The following NKAIN3 variants were observed in gnomAD, a reference collection of about 807,000 sequenced individuals.
NKAIN3 encodes the protein sodium/potassium transporting ATPase interacting 3, also known as sodium/potassium-transporting ATPase subunit beta-1-interacting protein 3.
NKAIN3 carries 25 observed loss-of-function variants against 30.2 expected under a neutral mutation model. The observed-to-expected ratio is 0.83, with a 90% CI of 0.60 to 1.16. The LOEUF (loss-of-function observed/expected upper bound fraction) is 1.16, where lower values mean the gene tolerates loss of function less well. NKAIN3 is among the 50% of genes most tolerant of loss of function. The pLI is 0.00. For missense variants in NKAIN3, 225 were observed against 254.1 expected, an observed-to-expected ratio of 0.89 and a Z score of 0.78; for synonymous variants, 91 against 89.6, an observed-to-expected ratio of 1.02 and a Z score of -0.09.
chr8:62,482,810 G>A (rs532538915), intron 1 of NKAIN3: 3 of 152,264 alleles, frequency 2.0e-5, no homozygotes, highest in African/African-American at 7.2e-5. Context: ...GATATTACTG[G>A]GGTAATATTA....
At chr8:62,953,723 T>A (rs1378385974) in intron 5 of NKAIN3, among the ~76,000 whole-genome samples, 179 bp from the exon 6 acceptor site, 2 of 152,228 alleles carry the variant, frequency 1.3e-5, no homozygotes, top group African/African-American at 2.4e-5. Context: ...CTGTATTTTT[T>A]AAATTTCCTC....
intron 3 of NKAIN3, among the ~76,000 whole-genome samples, chr8:62,626,254 A>G (rs1453962643): frequency 2.6e-5 from 4 of 152,100 alleles, no homozygotes; most frequent in African/African-American, 9.7e-5. Flanking sequence ...TGATTTTCAC[A>G]GAGAAAAGCC....
intron 4 of NKAIN3, among the ~76,000 whole-genome samples, chr8:62,869,351 G>T (rs2130798059): frequency 6.6e-6 from 1 of 152,240 alleles, no homozygotes; most frequent in South Asian, 2.1e-4. Context: ...ACATGCGCAG[G>T]TGTGTGATGT....
intron 4 of NKAIN3, among the ~76,000 whole-genome samples, chr8:62,835,751 A>G (rs73258703): frequency 1.4e-3 from 215 of 152,242 alleles, no homozygotes; most frequent in African/African-American, 4.9e-3. Flanking sequence ...GGGAATATAA[A>G]TTAGATTACC....
In NKAIN3 at chr8:62,918,460, G is replaced by C. The variant is rs1203629550; in HGVS notation, c.479G>C (p.Gly160Ala). The change falls in exon 5 of 7, where the codon GGT (glycine) becomes GCT (alanine). Residue 160 changes from glycine (G) to alanine (A), a missense_variant. Coordinates refer to ENST00000623646, the MANE Select transcript of NKAIN3 (RefSeq NM_001304533.3). The stretch of plus-strand genomic sequence containing the variant: ...ATTTTTTCCCTTTTGCAGTTGGTGG[G>C]TTTTGTGTATGCCTGTTATGTGATC... ...SAVQILLSLV[G>A]FVYACYVISI... 1.2e-6 allele frequency: 2 copies of C among 1,612,686 alleles called. No individual in the cohort carries two copies. The highest frequency in any genetic ancestry group is 2.7e-5 in the African/African-American group (2 of 75,004).
chr8:62,259,903 T>C (rs1361358411), intron 1 of NKAIN3, among the ~76,000 whole-genome samples: 2 of 152,002 alleles, frequency 1.3e-5, no homozygotes, highest in South Asian at 2.1e-4. Flanking sequence ...GCGGCAGGAG[T>C]TGGAGTACTG....
chr8:62,488,075 T>C (rs1042071578), intron 1 of NKAIN3, among the ~76,000 whole-genome samples: 2 of 152,230 alleles, frequency 1.3e-5, no homozygotes, highest in Admixed American at 6.5e-5. Context: ...GAATTAGACA[T>C]TGCATCTTTA....
At chr8:62,632,913 C>A (rs1216585178) in intron 3 of NKAIN3, among the ~76,000 whole-genome samples, 1 of 152,088 alleles carries the variant, frequency 6.6e-6, no homozygotes, top group Non-Finnish European at 1.5e-5. Flanking sequence ...ATATTGTTTT[C>A]TGCCTAGGGG....
intron 4 of NKAIN3, among the ~76,000 whole-genome samples, chr8:62,836,669 G>C (rs971945374): frequency 1.3e-5 from 2 of 152,096 alleles, no homozygotes; most frequent in African/African-American, 4.8e-5. Context: ...AAAGTTGCCA[G>C]CATGAGTCAG....
chr8:62,450,139 T>C (rs188155187), intron 1 of NKAIN3, among the ~76,000 whole-genome samples: 39 of 152,248 alleles, frequency 2.6e-4, no homozygotes, highest in African/African-American at 9.4e-4. Context: ...TTATCAAAAT[T>C]ATGTGAGAAT....
intron 1 of NKAIN3, among the ~76,000 whole-genome samples, chr8:62,329,550 A>T (rs1585686721): frequency 6.6e-6 from 1 of 152,050 alleles, no homozygotes; most frequent in African/African-American, 2.4e-5. Context: ...AATCATGTGT[A>T]TTCAATGTTT....
intron 4 of NKAIN3, among the ~76,000 whole-genome samples, chr8:62,840,439 C>T (rs1030581414): frequency 7.5e-6 from 1 of 132,642 alleles, no homozygotes; most frequent in African/African-American, 2.8e-5. Flanking sequence ...AAAAAAAAAA[C>T]AATCAGAGAG....
intron 4 of NKAIN3, among the ~76,000 whole-genome samples, chr8:62,841,033 C>T (rs1427071196): frequency 3.9e-5 from 6 of 152,092 alleles, no homozygotes; most frequent in Non-Finnish European, 8.8e-5. Flanking sequence ...CATAATGGAC[C>T]TCCAAAGATG....
rs1296196685 is a variant in NKAIN3 at position 62,307,457 on chromosome 8, C to CT, written c.54+58336dup. Among the ~76,000 whole-genome samples, 136 of 149,796 alleles carry CT rather than the reference C, an allele frequency of 9.1e-4. 15 individuals are homozygous for CT. The highest frequency in any genetic ancestry group is 3.1e-3 in the African/African-American group (122 of 39,502). Reference sequence around the variant, plus strand: ...TTCTTCTTTCCTTCTTTCCACTTGTCTTTTTTGAGCACCATGTGCGTCAGA... The same window carrying CT: ...TTCTTCTTTCCTTCTTTCCACTTGTCTTTTTTTGAGCACCATGTGCGTCAGA... On this transcript the variant is annotated intron_variant, in intron 1 of 6. Transcript: ENST00000623646.
intron 1 of NKAIN3, among the ~76,000 whole-genome samples, chr8:62,514,564 G>A (rs371833426): frequency 1.4e-4 from 21 of 152,202 alleles, no homozygotes; most frequent in African/African-American, 2.9e-4. Flanking sequence ...TTTCCTTACC[G>A]TGAACAACAG....
chr8:62,899,309 A>C (rs1177922726), intron 4 of NKAIN3, among the ~76,000 whole-genome samples: 1 of 152,224 alleles, frequency 6.6e-6, no homozygotes, highest in African/African-American at 2.4e-5. Flanking sequence ...TGTTTACAAT[A>C]GGCAAAATTT....
At chr8:62,558,502 A>G (rs914773549) in intron 1 of NKAIN3, among the ~76,000 whole-genome samples, 5 of 152,124 alleles carry the variant, frequency 3.3e-5, no homozygotes, top group Non-Finnish European at 5.9e-5. Flanking sequence ...TTTTGGCAGT[A>G]CGGCCATTTT....
intron 1 of NKAIN3, among the ~76,000 whole-genome samples, chr8:62,325,181 C>A (rs768141806): frequency 2.6e-5 from 4 of 152,024 alleles, no homozygotes; most frequent in Non-Finnish European, 5.9e-5. Flanking sequence ...CATTCTTATG[C>A]CTTTGCATCC....
chr8:62,870,498 A>T (rs1326389359), intron 4 of NKAIN3, among the ~76,000 whole-genome samples: 2 of 137,724 alleles, frequency 1.5e-5, no homozygotes. Context: ...AATAAGTACA[A>T]TATATACAAT....
Sources: allele counts gnomAD v4.1 joint callset (sites outside exome capture counted in the v4.1 genomes callset), GRCh38; gene constraint gnomAD v4.1.1; transcripts MANE v1.5; gene names NCBI Gene and HGNC (gene_info 2026-07-23, HGNC 2026-07-21).